PEX5L: variants seen among roughly 807,000 people sequenced by gnomAD.
PEX5L encodes the protein peroxisomal biogenesis factor 5 like.
A neutral mutation model predicts 84.0 loss-of-function variants in PEX5L; 30 were observed. The observed-to-expected ratio is 0.36, with a 90% CI of 0.27 to 0.48. PEX5L has a LOEUF of 0.48. PEX5L is among the 20% of genes least tolerant of loss of function. PEX5L has a pLI of 0.99. For synonymous variants in PEX5L, 270 were observed against 283.1 expected, an observed-to-expected ratio of 0.95 and a Z score of 0.46; for missense variants, 533 against 754.6, an observed-to-expected ratio of 0.71 and a Z score of 3.44.
chr3:179,887,427 A>G (rs1756245221), intron 4 of PEX5L, among the ~76,000 whole-genome samples: 1 of 152,256 alleles, frequency 6.6e-6, no homozygotes, highest in Non-Finnish European at 1.5e-5. Flanking sequence ...ATATGCAAAT[A>G]TGAAAATATA....
intron 1 of PEX5L, among the ~76,000 whole-genome samples, chr3:179,972,240 G>C (rs1386677483): frequency 6.7e-6 from 1 of 149,978 alleles, no homozygotes; most frequent in Non-Finnish European, 1.5e-5. Context: ...TTAGGTATTC[G>C]AAAAGTTGGA....
intron 1 of PEX5L, among the ~76,000 whole-genome samples, chr3:179,997,339 C>T (rs1433919139): frequency 4.6e-5 from 7 of 152,118 alleles, no homozygotes. Flanking sequence ...GGAGTTTTGA[C>T]TTACAGTGGG....
In PEX5L at chr3:179,816,024, C is replaced by T. The variant is rs760637067; in HGVS notation, c.940-20G>A. 3 of 1,612,868 alleles carry T rather than the reference C, an allele frequency of 1.9e-6. No individual in the cohort carries two copies. Among genetic ancestry groups the T allele is most frequent in the Non-Finnish European group, 2.5e-6 (3 of 1,179,032 alleles). ...ATATCCCTGCAACACAGAAAAAGGC[C>T]AGTGCATGAGCCATTGATTTCTCTT... On this transcript the variant is annotated intron_variant, in intron 9 of 14. Transcript: ENST00000467460.
intron 8 of PEX5L, among the ~76,000 whole-genome samples, chr3:179,849,056 T>C (rs966250337): frequency 2.0e-5 from 3 of 152,208 alleles, no homozygotes; most frequent in Non-Finnish European, 4.4e-5. Context: ...TTTGGGACTT[T>C]TATTGCACAC....
chr3:179,974,108 C>T, intron 1 of PEX5L: 1 of 985,616 alleles, frequency 1.0e-6, no homozygotes, highest in Non-Finnish European at 1.2e-6. Flanking sequence ...CTTCAGCTCT[C>T]CTCCCTCCTC....
chr3:179,818,341 G>A (rs1272271473), intron 9 of PEX5L, among the ~76,000 whole-genome samples: 1 of 151,822 alleles, frequency 6.6e-6, no homozygotes, highest in Non-Finnish European at 1.5e-5. Flanking sequence ...GAGATATTTT[G>A]ATACAGGCAT....
intron 4 of PEX5L, chr3:179,881,223 T>C (rs1445538853): frequency 6.6e-6 from 1 of 152,398 alleles, no homozygotes; most frequent in African/African-American, 2.4e-5. Context: ...TTCTGTCTGC[T>C]TCTCCCTTGT....
Position 180,010,027 on chromosome 3 carries a change from T to A in PEX5L, c.21+26552A>T, listed in dbSNP as rs79833545. ...GGCGCGATCTCGACACACTGCAAGC[T>A]CCGCCTCTAGGGTTCATGCCATTCT... is the stretch of plus-strand genomic sequence containing the variant. On this transcript the variant is annotated intron_variant, in intron 1 of 14. Transcript: ENST00000467460. 5.8e-3 allele frequency among the ~76,000 whole-genome samples: 882 copies of A among 151,900 alleles called. 9 individuals carry two copies. Among genetic ancestry groups the A allele is most frequent in the African/African-American group, 0.02 (844 of 41,420 alleles).
chr3:179,903,626 TTG>T (rs1762174093), intron 2 of PEX5L, among the ~76,000 whole-genome samples: 2 of 152,222 alleles, frequency 1.3e-5, no homozygotes, highest in Non-Finnish European at 2.9e-5. Context: ...ATGGTTGCTC[TTG>T]TCTGTCATGC....
chr3:179,915,471 A>G (rs1766713183), intron 2 of PEX5L, among the ~76,000 whole-genome samples: 1 of 152,206 alleles, frequency 6.6e-6, no homozygotes, highest in Admixed American at 6.5e-5. Flanking sequence ...TGATATTGAA[A>G]CCAACACAAA....
intron 2 of PEX5L, among the ~76,000 whole-genome samples, chr3:179,953,801 A>G (rs1779747619): frequency 6.6e-6 from 1 of 152,190 alleles, no homozygotes; most frequent in African/African-American, 2.4e-5. Flanking sequence ...CGATGGATGA[A>G]ATAGGAGGCT....
intron 2 of PEX5L, among the ~76,000 whole-genome samples, chr3:179,938,366 T>A (rs1488435724): frequency 6.6e-6 from 1 of 152,236 alleles, no homozygotes; most frequent in Non-Finnish European, 1.5e-5. Flanking sequence ...GTATTTAATC[T>A]GTTAATCCCT....
intron 1 of PEX5L, among the ~76,000 whole-genome samples, chr3:179,985,923 G>A (rs558737541): frequency 6.6e-5 from 10 of 152,248 alleles, no homozygotes; most frequent in African/African-American, 2.2e-4. Flanking sequence ...CAGTGAGTGA[G>A]GCTTCCTGGT....
chr3:180,024,386 A>C lies in PEX5L; in HGVS notation c.21+12193T>G, dbSNP rs1230398375. Among the ~76,000 whole-genome samples, 27 of 136,880 alleles carry C rather than the reference A, an allele frequency of 2.0e-4. 1 individual carries two copies. Among genetic ancestry groups the C allele is most frequent in the African/African-American group, 7.7e-4 (26 of 33,592 alleles). The allele number at this position is 136,880 out of a possible 152,430, so 89.8% of individuals were successfully genotyped here. A position where few individuals can be genotyped will look rare whatever the true frequency, so the allele number is the denominator to read the frequency against. Reference sequence around the variant, plus strand: ...TATATATATATATACACACACAAAAAAAAAAAAAATTAGCCGTGCGTGGTG... The same window carrying C: ...TATATATATATATACACACACAAAACAAAAAAAAATTAGCCGTGCGTGGTG... On this transcript the variant is annotated intron_variant, in intron 1 of 14. Transcript: ENST00000467460.
At chr3:179,856,840 C>G (rs1047234210) in intron 8 of PEX5L, among the ~76,000 whole-genome samples, 2 of 152,130 alleles carry the variant, frequency 1.3e-5, no homozygotes, top group Non-Finnish European at 2.9e-5. Context: ...ACTTACCATT[C>G]TTTTTACTTG....
At chr3:179,899,580 A>G (rs1245570598) in intron 2 of PEX5L, among the ~76,000 whole-genome samples, 1 of 152,182 alleles carries the variant, frequency 6.6e-6, no homozygotes, top group Non-Finnish European at 1.5e-5. Flanking sequence ...TTTAGAAGGT[A>G]GGTTTACTCT....
At chr3:179,830,983 A>T (rs115343964) in intron 8 of PEX5L, among the ~76,000 whole-genome samples, 161 of 152,300 alleles carry the variant, frequency 1.1e-3, no homozygotes, top group African/African-American at 3.7e-3. Context: ...CGGGGCTATT[A>T]TGTAAGTAAG....
At chr3:179,878,693 C>A (rs1301236067) in intron 5 of PEX5L, among the ~76,000 whole-genome samples, 1 of 152,218 alleles carries the variant, frequency 6.6e-6, no homozygotes, top group African/African-American at 2.4e-5. Context: ...CCTATGCATT[C>A]CTCAAACCTC....
chr3:180,007,801 G>A lies in PEX5L; in HGVS notation c.21+28778C>T, dbSNP rs576492559. Reference sequence around the variant, plus strand: ...ACATTGACCTCTTCCAGCCGTGGCCGGAGTGGTTGGGACACAGGCACCAAG... The same window carrying A: ...ACATTGACCTCTTCCAGCCGTGGCCAGAGTGGTTGGGACACAGGCACCAAG... On this transcript the variant is annotated intron_variant, in intron 1 of 14. Transcript: ENST00000467460. 1.4e-4 allele frequency among the ~76,000 whole-genome samples: 22 copies of A among 152,334 alleles called. No homozygotes were observed. The South Asian group carries it at 2.5e-3, about 17-fold the overall frequency.
Sources: gnomAD v4.1 joint callset for allele counts (sites outside exome capture counted in the v4.1 genomes callset) on GRCh38, gnomAD v4.1.1 for gene constraint, MANE v1.5 for transcripts, NCBI Gene and HGNC (gene_info 2026-07-23, HGNC 2026-07-21) for gene names.